The following TCF4 variants were observed in gnomAD, a reference collection of about 807,000 sequenced individuals.
The protein encoded by TCF4 is SL3-3 enhancer factor 2.
Under a neutral mutation model 82.1 loss-of-function variants are expected in TCF4, and 3 were observed. That is an observed-to-expected ratio of 0.04 (90% confidence interval 0.02 to 0.09). TCF4 has a LOEUF of 0.09. TCF4 is among the 10% of genes least tolerant of loss of function. The pLI is 1.00. For synonymous variants in TCF4, 276 were observed against 309.6 expected (o/e 0.89, Z 1.14); for missense variants, 518 against 852.7 (o/e 0.61, Z 4.89).
chr18:55,461,001 A>C lies in TCF4; in HGVS notation c.304+18T>G. The C allele has an allele frequency of 6.2e-7, 1 of 1,608,768 alleles. No individual in the cohort carries two copies. The highest frequency in any genetic ancestry group is 8.5e-7 in the Non-Finnish European group (1 of 1,175,766). Reference sequence around the variant, plus strand: ...TTGAGCATTCAAAAAGTGTAAGTTAATTTAAAATGGGTCTTACTTTGTATT... The same window carrying C: ...TTGAGCATTCAAAAAGTGTAAGTTACTTTAAAATGGGTCTTACTTTGTATT... On this transcript the variant is annotated intron_variant, in intron 5 of 19. Transcript: ENST00000354452.
chr18:55,412,768 T>C (rs765734537), intron 5 of TCF4, among the ~76,000 whole-genome samples: 5 of 152,158 alleles, frequency 3.3e-5, no homozygotes, highest in Non-Finnish European at 5.9e-5. Flanking sequence ...TTGGAAAATA[T>C]GAAGGAAATC....
At chr18:55,591,016 C>T (rs553208162), upstream of TCF4, 4 of 152,196 alleles carry the variant, frequency 2.6e-5, no homozygotes, top group Non-Finnish European at 5.9e-5. Flanking sequence ...AACCATATTC[C>T]TATATACCAT....
chr18:55,310,322 G>A lies in TCF4; in HGVS notation c.550-30666C>T, dbSNP rs181342238. On this transcript the variant is annotated intron_variant, in intron 8 of 19. Transcript: ENST00000354452. ...CAAAGATATACTGCAAATCAGAGCT[G>A]CCATTCCCGTGCCCAGCCTCCATAT... Among the ~76,000 whole-genome samples the A allele has an allele frequency of 2.0e-5, 3 of 152,306 alleles. No individual in the cohort carries two copies. In the East Asian group the frequency reaches 5.8e-4, roughly 29 times the overall value.
chr18:55,441,720 C>T (rs2095441530), intron 5 of TCF4, among the ~76,000 whole-genome samples: 1 of 152,056 alleles, frequency 6.6e-6, no homozygotes, highest in Non-Finnish European at 1.5e-5. Context: ...ATTACATAAT[C>T]GTATAATAAG....
intron 5 of TCF4, among the ~76,000 whole-genome samples, chr18:55,419,716 G>T (rs1935188787): frequency 6.6e-6 from 1 of 152,056 alleles, no homozygotes; most frequent in Admixed American, 6.6e-5. Flanking sequence ...AAATATTTAG[G>T]TTGCTTTGAT....
intron 5 of TCF4, among the ~76,000 whole-genome samples, chr18:55,441,251 C>G (rs2095433511): frequency 6.6e-6 from 1 of 152,190 alleles, no homozygotes; most frequent in Non-Finnish European, 1.5e-5. Flanking sequence ...AAGCTTCTAG[C>G]TGGATTATCA....
intron 3 of TCF4, among the ~76,000 whole-genome samples, chr18:55,473,384 T>C (rs375466570): frequency 6.6e-6 from 1 of 152,194 alleles, no homozygotes; most frequent in East Asian, 1.9e-4. Flanking sequence ...TTTAACAAAA[T>C]CTACTTCTCC....
intron 8 of TCF4, among the ~76,000 whole-genome samples, chr18:55,317,802 G>A (rs1038641345): frequency 1.3e-5 from 2 of 151,938 alleles, no homozygotes; most frequent in African/African-American, 2.4e-5. Flanking sequence ...AGCAGGACTC[G>A]TAACATTATT....
intron 6 of TCF4, chr18:55,401,455 T>C: frequency 9.9e-7 from 1 of 1,007,274 alleles, no homozygotes. Context: ...GTCATAGTGC[T>C]ATATACAAAA....
intron 12 of TCF4, chr18:55,261,103 T>C (rs1210010699): frequency 6.2e-6 from 1 of 160,036 alleles, no homozygotes; most frequent in Non-Finnish European, 1.3e-5. Context: ...AATGCCTCTT[T>C]CAAAGTGTTT....
chr18:55,605,559 C>T (rs369251336), intron 2 of TCF4, among the ~76,000 whole-genome samples: 5 of 152,230 alleles, frequency 3.3e-5, no homozygotes, highest in Middle Eastern at 3.4e-3. Context: ...AAGAGGCAGA[C>T]ATTGAACATC....
At chr18:55,537,200 A>G (rs2097124847) in intron 3 of TCF4, among the ~76,000 whole-genome samples, 1 of 151,886 alleles carries the variant, frequency 6.6e-6, no homozygotes, top group South Asian at 2.1e-4. Context: ...AAAGCCAACT[A>G]TTATTTCACC....
At chr18:55,526,120 T>C (rs2096981079) in intron 3 of TCF4, among the ~76,000 whole-genome samples, 1 of 152,180 alleles carries the variant, frequency 6.6e-6, no homozygotes, top group South Asian at 2.1e-4. Context: ...TGTGCCATCT[T>C]TGAAGTTCCA....
intron 10 of TCF4, among the ~76,000 whole-genome samples, chr18:55,271,736 A>G (rs895830971): frequency 5.9e-5 from 9 of 152,140 alleles, no homozygotes; most frequent in Non-Finnish European, 1.2e-4. Context: ...AAGGTAGTCC[A>G]TGGAATTTTC....
At chr18:55,571,363 T>C (rs1343342491) in intron 3 of TCF4, among the ~76,000 whole-genome samples, 1 of 152,170 alleles carries the variant, frequency 6.6e-6, no homozygotes, top group African/African-American at 2.4e-5. Flanking sequence ...TGTTTAGGGA[T>C]ACATATGCCA....
intron 3 of TCF4, among the ~76,000 whole-genome samples, chr18:55,531,105 C>T (rs2097058397): frequency 6.6e-6 from 1 of 152,048 alleles, no homozygotes; most frequent in Non-Finnish European, 1.5e-5. Context: ...GTGCCCACCA[C>T]CACACCCAGC....
intron 9 of TCF4, among the ~76,000 whole-genome samples, chr18:55,278,081 C>T (rs1488830170): frequency 6.6e-6 from 1 of 151,120 alleles, no homozygotes; most frequent in African/African-American, 2.5e-5. Context: ...CAGAGCCATT[C>T]CATCCAATTT....
rs6146325 is a variant in TCF4 at position 55,362,437 on chromosome 18, A to G, written c.370-11434T>C. ...AGGAAGGAAGGAAGGAAGGAAGGAA[A>G]AAAAAAAAGAAGAAAACATGTATCT... On this transcript the variant is annotated intron_variant, in intron 6 of 19. Transcript: ENST00000354452. 4.9e-3 allele frequency among the ~76,000 whole-genome samples: 550 copies of G among 112,334 alleles called. 25 individuals are homozygous for G. Among genetic ancestry groups the G allele is most frequent in the African/African-American group, 0.016 (389 of 24,632 alleles). 73.7% of individuals were successfully genotyped at this position (112,334 alleles called of 152,430 possible).
intron 8 of TCF4, among the ~76,000 whole-genome samples, chr18:55,348,138 TG>T (rs1417550097): frequency 6.6e-6 from 1 of 152,190 alleles, no homozygotes; most frequent in Non-Finnish European, 1.5e-5. Context: ...GTAAGCCATG[TG>T]GATCTTGTTG....
Sources: gnomAD v4.1 joint callset for allele counts (sites outside exome capture counted in the v4.1 genomes callset) on GRCh38, gnomAD v4.1.1 for gene constraint, MANE v1.5 for transcripts, NCBI Gene and HGNC (gene_info 2026-07-23, HGNC 2026-07-21) for gene names.